PKD2L1: variants seen among roughly 807,000 people sequenced by gnomAD.
The protein encoded by PKD2L1 is polycystin-2-like protein 1.
Under a neutral mutation model 93.0 loss-of-function variants are expected in PKD2L1, and 77 were observed. The ratio of observed to expected loss-of-function variants is 0.83; its 90% CI spans 0.69 to 1.00. PKD2L1 has a LOEUF of 1.00. Among genes scored for constraint, PKD2L1 ranks in the 50% least tolerant of loss-of-function variants. The probability of loss-of-function intolerance (pLI) is 0.00; values close to 1 mark genes in which losing one functional copy is unlikely to be tolerated. For synonymous variants in PKD2L1, 390 were observed against 388.0 expected, an observed-to-expected ratio of 1.01 and a Z score of -0.06; for missense variants, 977 against 990.9, an observed-to-expected ratio of 0.99 and a Z score of 0.19.
intron 2 of PKD2L1, among the ~76,000 whole-genome samples, chr10:100,315,681 A>T (rs1378484387): frequency 1.3e-5 from 2 of 152,254 alleles, no homozygotes; most frequent in African/African-American, 4.8e-5. Context: ...GAAAGGGGGT[A>T]GAATTATGTT....
chr10:100,295,143 C>T lies in PKD2L1; in HGVS notation c.1357-20G>A, dbSNP rs1156995602. The T allele has an allele frequency of 3.1e-6, 5 of 1,604,598 alleles. No individual in the cohort carries two copies. In the African/African-American group the frequency reaches 4.0e-5, roughly 13 times the overall value. ...GAATATCTGGAAGGACCATGTTGAACCAAGGGATGAAGAAGGAAAAGGGAA... is the reference window on the plus strand; with the variant it reads ...GAATATCTGGAAGGACCATGTTGAATCAAGGGATGAAGAAGGAAAAGGGAA... On this transcript the variant is annotated intron_variant, in intron 7 of 15. Transcript: ENST00000318222.
chr10:100,297,100 A>C lies in PKD2L1; in HGVS notation c.1065T>G (p.Cys355Trp). 2 of 1,614,174 alleles carry C rather than the reference A, an allele frequency of 1.2e-6. No homozygotes were observed. Among genetic ancestry groups the C allele is most frequent in the Non-Finnish European group, 1.7e-6 (2 of 1,180,002 alleles). ...AGATGAAGACGCAGAAGATGACCTC[A>C]CAGCCAACGATAAAGAAGTCCCAGT... ...VSNWDFFIVG[C>W]EVIFCVFIFY... The change falls in exon 6 of 16, where the codon TGT becomes TGG. Residue 355 changes from cysteine to tryptophan, a missense_variant. Coordinates refer to ENST00000318222, the MANE Select transcript of PKD2L1 (RefSeq NM_016112.3).
intron 2 of PKD2L1, among the ~76,000 whole-genome samples, chr10:100,327,637 T>C (rs1334271280): frequency 1.3e-5 from 2 of 152,180 alleles, no homozygotes; most frequent in Non-Finnish European, 2.9e-5. Context: ...TCACGGGATC[T>C]GAAAAAGGAG....
Position 100,330,017 on chromosome 10 carries a change from A to C in PKD2L1, c.87T>G (p.Pro29=). 1.2e-6 allele frequency: 2 copies of C among 1,613,740 alleles called. No homozygotes were observed. Among genetic ancestry groups the C allele is most frequent in the Non-Finnish European group, 1.7e-6 (2 of 1,179,752 alleles). Residue 29 remains proline (P), a synonymous_variant, in exon 1 of 16, where the codon CCT becomes CCG. Transcript: ENST00000318222. ...AGACTCTCAGCGTCCCGTGTGGGGA[A>C]GGGGGACCACTGTAGGCGGGGTTGT... ...AWDNPAYSGP[P]SPHGTLRVCT... is the part of the protein sequence containing the mutation.
chr10:100,322,221 A>AAACAAC (rs904237028), intron 2 of PKD2L1, among the ~76,000 whole-genome samples: 1 of 151,966 alleles, frequency 6.6e-6, no homozygotes, highest in Non-Finnish European at 1.5e-5. Flanking sequence ...CCCGGTCTCA[A>AAACAAC]AACAACAACA....
Position 100,289,027 on chromosome 10 carries a change from C to A in PKD2L1, c.2280G>T (p.Gln760His). 6.2e-7 allele frequency: 1 copy of A among 1,613,174 alleles called. No individual in the cohort carries two copies. The highest frequency in any genetic ancestry group is 1.3e-5 in the African/African-American group (1 of 75,044). ...GGTCTGGGGTCACAGCTGGGGCTGGCTGCGGGTGCTTCCAAATAGCTTGTT... is the reference window on the plus strand; with the variant it reads ...GGTCTGGGGTCACAGCTGGGGCTGGATGCGGGTGCTTCCAAATAGCTTGTT... ...VKEQAIWKHP[Q>H]PAPAVTPDPW... The change falls in exon 15 of 16, where the codon CAG becomes CAT. Residue 760 changes from glutamine to histidine, a missense_variant. Physicochemically the swap from Gln to His is conservative, Grantham distance 24. Transcript: ENST00000318222.
chr10:100,325,570 C>T (rs3853519), intron 2 of PKD2L1, among the ~76,000 whole-genome samples: 116,844 of 152,104 alleles, frequency 0.77, 45,586 homozygotes, highest in Non-Finnish European at 0.84. Context: ...TTTGTGGGTG[C>T]GGACTTTAAT....
rs1160550309 is a variant in PKD2L1 at position 100,308,336 on chromosome 10, CT to C, written c.350-8619del. Among the ~76,000 whole-genome samples the C allele has an allele frequency of 3.9e-3, 571 of 145,222 alleles. 5 individuals are homozygous for C. The highest frequency in any genetic ancestry group is 0.013 in the African/African-American group (500 of 39,942). ...CAGATAACTCAGATTTAGAATGTTG[CT>C]TTTTTTTTTTTCTCGAGATGGAGTC... On this transcript the variant is annotated intron_variant, in intron 2 of 15. Coordinates refer to ENST00000318222, the MANE Select transcript of PKD2L1 (RefSeq NM_016112.3).
intron 2 of PKD2L1, among the ~76,000 whole-genome samples, chr10:100,319,612 T>C (rs1849183810): frequency 1.3e-5 from 2 of 152,236 alleles, no homozygotes; most frequent in South Asian, 4.1e-4. Flanking sequence ...TTAGTGCAAT[T>C]CCACCAATCT....
chr10:100,289,890 A>T (rs182663544), intron 14 of PKD2L1, 125 bp downstream of exon 14: 2 of 1,120,448 alleles, frequency 1.8e-6, no homozygotes, highest in Admixed American at 3.8e-5. Context: ...ACCGCTATGA[A>T]CATGTTTCCC....
chr10:100,289,548 AT>A (rs1848357158), intron 14 of PKD2L1, among the ~76,000 whole-genome samples: 1 of 152,018 alleles, frequency 6.6e-6, no homozygotes, highest in South Asian at 2.1e-4. Flanking sequence ...TCAAATAATA[AT>A]AATAATAAAT....
chr10:100,296,315 G>T (rs927260775), intron 6 of PKD2L1, 23 bp from the exon 7 acceptor site: 3 of 1,545,248 alleles, frequency 1.9e-6, no homozygotes, highest in Admixed American at 2.2e-5. Flanking sequence ...GGTCATGGGG[G>T]TGTCAGAGAA....
chr10:100,315,151 T>A lies in PKD2L1; in HGVS notation c.349+14060A>T, dbSNP rs1376587353. 2.0e-5 allele frequency among the ~76,000 whole-genome samples: 3 copies of A among 150,364 alleles called. No individual in the cohort carries two copies. The South Asian group carries it at 6.3e-4, about 32-fold the overall frequency. On this transcript the variant is annotated intron_variant, in intron 2 of 15. Coordinates refer to ENST00000318222, the MANE Select transcript of PKD2L1 (RefSeq NM_016112.3). ...CAGTTGAAATGATTATATACCAAAC[T>A]AGGAACAGTGATTACTGAGAGGGAT...
chr10:100,322,733 G>C (rs1849289522), intron 2 of PKD2L1, among the ~76,000 whole-genome samples: 1 of 152,206 alleles, frequency 6.6e-6, no homozygotes, highest in Admixed American at 6.5e-5. Context: ...TTAGGGTAGG[G>C]CACGGAGTGG....
At chr10:100,289,868 G>T in intron 14 of PKD2L1, 147 bp downstream of exon 14, 1 of 967,082 alleles carries the variant, frequency 1.0e-6, no homozygotes, top group Non-Finnish European at 1.6e-6. Context: ...ACCCATCTCT[G>T]CTGATACACT....
At chr10:100,327,597 A>G (rs1849406527) in intron 2 of PKD2L1, among the ~76,000 whole-genome samples, 1 of 152,222 alleles carries the variant, frequency 6.6e-6, no homozygotes, top group African/African-American at 2.4e-5. Flanking sequence ...ATTTATAGAG[A>G]AAGGCTCTGC....
At chr10:100,307,815 T>A (rs1478944599) in intron 2 of PKD2L1, among the ~76,000 whole-genome samples, 1 of 152,180 alleles carries the variant, frequency 6.6e-6, no homozygotes, top group African/African-American at 2.4e-5. Flanking sequence ...CTGAAGATCA[T>A]CTGAGGCTCA....
intron 2 of PKD2L1, among the ~76,000 whole-genome samples, chr10:100,304,155 A>C (rs1848746798): frequency 6.6e-6 from 1 of 152,230 alleles, no homozygotes; most frequent in Non-Finnish European, 1.5e-5. Context: ...GAAAAGAGCA[A>C]GAAGCAACCT....
chr10:100,289,137 G>C (rs1304136941), intron 14 of PKD2L1, 81 bp from the exon 15 acceptor site: 1 of 978,088 alleles, frequency 1.0e-6, no homozygotes, highest in Non-Finnish European at 1.6e-6. Context: ...TGATTCCAGA[G>C]AACTCAGACT....
Sources: gnomAD v4.1 joint callset for allele counts (sites outside exome capture counted in the v4.1 genomes callset) on GRCh38, gnomAD v4.1.1 for gene constraint, MANE v1.5 for transcripts, NCBI Gene and HGNC (gene_info 2026-07-23, HGNC 2026-07-21) for gene names.